Variants in BNIP3L observed in about 807,000 individuals in gnomAD.
The protein encoded by BNIP3L is BCL2/adenovirus E1B 19 kDa protein-interacting protein 3-like.
BNIP3L carries 10 observed loss-of-function variants against 25.5 expected under a neutral mutation model. That is an observed-to-expected ratio of 0.39 (90% CI 0.24 to 0.67). BNIP3L has a LOEUF of 0.67. Ranked by LOEUF, BNIP3L falls within the 30% of genes least tolerant of loss-of-function variation. BNIP3L has a pLI of 0.45. For synonymous variants in BNIP3L, 113 were observed against 101.2 expected, an observed-to-expected ratio of 1.12 and a Z score of -0.70; for missense variants, 215 against 270.9, an observed-to-expected ratio of 0.79 and a Z score of 1.45.
At chr8:26,395,106 T>C (rs1217044850) in intron 2 of BNIP3L, 124 bp from the exon 3 acceptor site, 1 of 878,148 alleles carries the variant, frequency 1.1e-6, no homozygotes, top group East Asian at 2.7e-5. Context: ...GGTTATGATA[T>C]ATTCTCTGAT....
chr8:26,394,543 G>A (rs1427099985), intron 2 of BNIP3L, among the ~76,000 whole-genome samples: 3 of 152,008 alleles, frequency 2.0e-5, no homozygotes, highest in Non-Finnish European at 4.4e-5. Flanking sequence ...GCATTTTTTA[G>A]TGAAAATACC....
At chr8:26,395,445 A>G (rs1806211918) in intron 3 of BNIP3L, 143 bp downstream of exon 3, 1 of 920,196 alleles carries the variant, frequency 1.1e-6, no homozygotes, top group Non-Finnish European at 1.6e-6. Context: ...TTTATTTAGG[A>G]TGATATAGTT....
chr8:26,392,831 A>G (rs972791758), intron 2 of BNIP3L, among the ~76,000 whole-genome samples: 3 of 152,106 alleles, frequency 2.0e-5, no homozygotes, highest in African/African-American at 4.8e-5. Flanking sequence ...GGCCTTGATC[A>G]TTGATACCAT....
chr8:26,390,440 CCAAAT>C (rs1448497373), intron 1 of BNIP3L: 17 of 985,212 alleles, frequency 1.7e-5, no homozygotes, highest in Non-Finnish European at 2.0e-5. Context: ...GTTTCTGCTC[CCAAAT>C]CAACAGGGTT....
rs148873972 is a variant in BNIP3L, at chr8:26,383,171, A to G, written c.41A>G (p.Asn14Ser). 1.1e-5 allele frequency: 18 copies of G among 1,612,152 alleles called. No homozygotes were observed. Among genetic ancestry groups the G allele is most frequent in the African/African-American group, 2.7e-5 (2 of 74,910 alleles). ...GTCGAGCCGCCGCCGCCCCTGCACA[A>G]CAACAACAACAACTGCGAGGAAAAT... ...HLVEPPPPLH[N>S]NNNNCEENEQ... The change falls in exon 1 of 6, where the codon AAC (asparagine) becomes AGC (serine). Residue 14 changes from asparagine (N) to serine (S), a missense_variant. Asn to Ser is a conservative substitution (Grantham distance 46, BLOSUM62 1). Around this residue, in one of 4 missense-constraint regions of BNIP3L, gnomAD observed 69 missense variants for 53.6 expected, o/e 1.29. Transcript: ENST00000380629.
At chr8:26,402,773 GAAAA>G (rs1806416243) in intron 3 of BNIP3L, among the ~76,000 whole-genome samples, 1 of 151,904 alleles carries the variant, frequency 6.6e-6, no homozygotes, top group Admixed American at 6.6e-5. Context: ...CTAAAAAAAA[GAAAA>G]AAAGAAATGG....
Position 26,411,966 on chromosome 8 carries a change from C to T in BNIP3L, c.*1554C>T, listed in dbSNP as rs995013188. On this transcript the variant is annotated 3_prime_UTR_variant, in exon 6 of 6. Coordinates refer to ENST00000380629, the MANE Select transcript of BNIP3L (RefSeq NM_004331.3). ...TTTGCAGAAACTAACTCTTTTCTCACATCAACATTTGTAAAATTGATGTGT... is the reference window on the plus strand; with the variant it reads ...TTTGCAGAAACTAACTCTTTTCTCATATCAACATTTGTAAAATTGATGTGT... The T allele has an allele frequency of 2.6e-5, 4 of 152,632 alleles. No homozygotes were observed. Among genetic ancestry groups the T allele is most frequent in the Non-Finnish European group, 5.9e-5 (4 of 68,032 alleles). 9.5% of individuals were successfully genotyped at this position (152,632 alleles called of 1,614,324 possible). A position where few individuals can be genotyped will look rare whatever the true frequency, so the allele number is the denominator to read the frequency against.
At chr8:26,394,570 T>A (rs1806189295) in intron 2 of BNIP3L, among the ~76,000 whole-genome samples, 1 of 152,166 alleles carries the variant, frequency 6.6e-6, no homozygotes, top group Admixed American at 6.5e-5. Context: ...CTATAAACCC[T>A]CCAAGTTAAT....
chr8:26,391,470 G>A (rs62490973), intron 2 of BNIP3L, 44 bp downstream of exon 2: 28,842 of 1,446,456 alleles, frequency 0.02, 318 homozygotes, highest in Middle Eastern at 0.04. Context: ...AAACAGGTGG[G>A]TTACAGGGCT....
intron 5 of BNIP3L, among the ~76,000 whole-genome samples, chr8:26,408,717 C>A (rs1172541344): frequency 1.3e-5 from 2 of 151,834 alleles, no homozygotes; most frequent in Admixed American, 6.6e-5. Context: ...ACTAAAAATA[C>A]AAAAATTAGC....
chr8:26,384,727 A>ATTTTTTTTTTTT (rs10598657), intron 1 of BNIP3L, among the ~76,000 whole-genome samples: 1 of 97,148 alleles, frequency 1.0e-5, no homozygotes, highest in Non-Finnish European at 1.9e-5. Context: ...TTTTGAGGAC[A>ATTTTTTTTTTTT]TTTTTTTTTT....
At position 26,410,242 on chromosome 8, in the gene BNIP3L, T is replaced by A. The variant is rs887646239; in HGVS notation, c.612-122T>A. 2.4e-5 allele frequency: 26 copies of A among 1,068,632 alleles called. No homozygotes were observed. The East Asian group carries it at 2.4e-4, about 10-fold the overall frequency. The allele number at this position is 1,068,632 out of a possible 1,614,324, so 66.2% of individuals were successfully genotyped here. ...TGATTTCACGGTGTTTGGGGAGCGG[T>A]ACCCACAAACCTTTAGAGCCTTTTA... On this transcript the variant is annotated intron_variant, in intron 5 of 5. Transcript: ENST00000380629.
At chr8:26,394,199 A>G (rs982220035) in intron 2 of BNIP3L, among the ~76,000 whole-genome samples, 2 of 152,198 alleles carry the variant, frequency 1.3e-5, no homozygotes, top group African/African-American at 4.8e-5. Context: ...CATCTCTTGT[A>G]TCAAGTGCAG....
At chr8:26,398,456 T>C (rs1160601348) in intron 3 of BNIP3L, among the ~76,000 whole-genome samples, 1 of 94,204 alleles carries the variant, frequency 1.1e-5, no homozygotes, top group African/African-American at 4.3e-5. Context: ...CCAGAATCTC[T>C]GGGACGCATT....
At chr8:26,410,101 C>G (rs756238110) in intron 5 of BNIP3L, among the ~76,000 whole-genome samples, 5 of 152,122 alleles carry the variant, frequency 3.3e-5, no homozygotes, top group Non-Finnish European at 7.3e-5. Flanking sequence ...TTCTCTCTGG[C>G]TTTACTTTGT....
chr8:26,403,921 A>G (rs960599817), intron 3 of BNIP3L, among the ~76,000 whole-genome samples: 1 of 152,192 alleles, frequency 6.6e-6, no homozygotes, highest in Non-Finnish European at 1.5e-5. Context: ...TGTACTAATT[A>G]CTTATCTAAG....
At chr8:26,391,020 T>C (rs1806095275) in intron 1 of BNIP3L, among the ~76,000 whole-genome samples, 3 of 152,176 alleles carry the variant, frequency 2.0e-5, no homozygotes. Flanking sequence ...TCTGAGATGT[T>C]TTAGAGTTTG....
At chr8:26,405,665 G>A (rs1223098238) in intron 3 of BNIP3L, among the ~76,000 whole-genome samples, 1 of 152,136 alleles carries the variant, frequency 6.6e-6, no homozygotes, top group Admixed American at 6.5e-5. Context: ...TCTTTTGAGT[G>A]AATCCTAGTC....
intron 2 of BNIP3L, among the ~76,000 whole-genome samples, chr8:26,394,590 GGCA>G (rs1198471261): frequency 2.0e-5 from 3 of 152,212 alleles, no homozygotes; most frequent in African/African-American, 4.8e-5. Flanking sequence ...TAAGAATAGT[GGCA>G]TTGTTTTACA....
Sources: allele counts gnomAD v4.1 joint callset (sites outside exome capture counted in the v4.1 genomes callset), GRCh38; gene constraint gnomAD v4.1.1; regional missense constraint gnomAD v4.1.1; transcripts MANE v1.5; gene names NCBI Gene and HGNC (gene_info 2026-07-23, HGNC 2026-07-21).